ZNF335: variants seen among roughly 807,000 people sequenced by gnomAD.
The protein encoded by ZNF335 is zinc finger protein 335.
ZNF335 carries 84 observed loss-of-function variants against 145.6 expected under a neutral mutation model. The ratio of observed to expected loss-of-function variants is 0.58; its 90% CI spans 0.48 to 0.69. The LOEUF is 0.69. Ranked by LOEUF, ZNF335 falls within the 30% of genes least tolerant of loss-of-function variation. The pLI is 0.00. For missense variants in ZNF335, 1,865 were observed against 1,809.7 expected (o/e 1.03, Z -0.55); for synonymous variants, 761 against 717.0 (o/e 1.06, Z -0.98).
rs1451526967 is a variant in ZNF335 at position 45,959,404 on chromosome 20, G to A, written c.2050C>T (p.His684Tyr). 2.0e-6 allele frequency: 3 copies of A among 1,510,760 alleles called. No homozygotes were observed. The highest frequency in any genetic ancestry group is 2.0e-5 in the Admixed American group (1 of 50,418). 93.6% of individuals were successfully genotyped at this position (1,510,760 alleles called of 1,614,324 possible). ...TTCTTCTTGTGCCGTGTGCTGAAGT[G>A]GCAGTACTCACAGGCGAAGGGCTTG... ...GAKPFACEYC[H>Y]FSTRHKKNLR... Residue 684 changes from histidine to tyrosine, a missense_variant, in exon 15 of 28, where the codon CAC becomes TAC. His to Tyr is a moderately conservative substitution (Grantham distance 83). Coordinates refer to ENST00000322927, the MANE Select transcript of ZNF335 (RefSeq NM_022095.4).
chr20:45,952,826 GC>G, intron 18 of ZNF335, 117 bp from the exon 19 acceptor site: 2 of 856,482 alleles, frequency 2.3e-6, no homozygotes, highest in East Asian at 2.6e-5. Context: ...AGTCAGAAGG[GC>G]CCAGGGTTCA....
At chr20:45,967,135 C>A (rs1243951679) in intron 6 of ZNF335, 1 of 244,692 alleles carries the variant, frequency 4.1e-6, no homozygotes, top group African/African-American at 2.2e-5. Flanking sequence ...CCTAGCTACT[C>A]GGGAGGCTGA....
In ZNF335 at chr20:45,965,678, G is replaced by T. The variant is rs1367428895; in HGVS notation, c.1052C>A (p.Pro351His). 2 of 1,599,644 alleles carry T rather than the reference G, an allele frequency of 1.3e-6. No homozygotes were observed. The highest frequency in any genetic ancestry group is 1.7e-6 in the Non-Finnish European group (2 of 1,174,550). The change falls in exon 7 of 28, where the codon CCT becomes CAT. Residue 351 changes from proline (P) to histidine (H), a missense_variant. Physicochemically the swap from Pro to His is moderately conservative, Grantham distance 77 (BLOSUM62 -2). Coordinates refer to ENST00000322927, the MANE Select transcript of ZNF335 (RefSeq NM_022095.4). ...GCGGGGCAGCTTCCGGGGCCGGCCA[G>T]GTCTCCTTCGGGGCCTTGGGGTACT... ...TPSTPRPRRR[P>H]GRPRKLPRLE...
Position 45,952,328 on chromosome 20 carries a change from G to A in ZNF335, c.3008C>T (p.Ala1003Val), listed in dbSNP as rs2083648963. The A allele has an allele frequency of 4.3e-6, 7 of 1,613,294 alleles. No individual in the cohort carries two copies. In the East Asian group the frequency reaches 1.6e-4, roughly 36 times the overall value. Residue 1003 changes from alanine (A) to valine (V), a missense_variant, in exon 20 of 28, where the codon GCA (alanine) becomes GTA (valine). Coordinates refer to ENST00000322927, the MANE Select transcript of ZNF335 (RefSeq NM_022095.4). ...TGCAGATGGCGGTGACGGGGGCACT[G>A]CCAGGCCCAGGGCTTTGCTGGTTGC... Reference protein sequence around the residue: ...PPATSKALGLAVPPSPPSAAT... With the variant: ...PPATSKALGLVVPPSPPSAAT...
At chr20:45,971,522 G>A (rs570809916) in intron 1 of ZNF335, 62 bp from the exon 2 acceptor site, 4 of 1,511,406 alleles carry the variant, frequency 2.6e-6, no homozygotes, top group African/African-American at 2.8e-5. Context: ...CGGCAACCAC[G>A]GCCACCCATT....
Position 45,965,625 on chromosome 20 carries a change from C to T in ZNF335, c.1102+3G>A. The stretch of plus-strand genomic sequence containing the variant: ...ACGAGCCCCTCCCAAGACCAAGCCT[C>T]ACCATCTGGGAGGTCTGAGATCTCC... On this transcript the variant is annotated splice_donor_region_variant and intron_variant, in intron 7 of 27. Transcript: ENST00000322927. The T allele has an allele frequency of 6.3e-7, 1 of 1,594,466 alleles. No homozygotes were observed. The highest frequency in any genetic ancestry group is 8.5e-7 in the Non-Finnish European group (1 of 1,172,132).
chr20:45,949,743 G>GTCTT (rs1260491596), intron 24 of ZNF335, 57 bp downstream of exon 24: 1 of 1,579,212 alleles, frequency 6.3e-7, no homozygotes, highest in East Asian at 2.2e-5. Context: ...CCCAAGGTAG[G>GTCTT]TCTTTGGGAG....
rs1302137837 is a variant in ZNF335 at position 45,957,566 on chromosome 20, C to A, written c.2442+20G>T. ...TACCTGCGGTAGCTGGGAAGGGGAG[C>A]AGGTTCCCAGGCAGCTCACCTGCAG... On this transcript the variant is annotated intron_variant, in intron 17 of 27. Transcript: ENST00000322927. 1 of 1,611,664 alleles carries A rather than the reference C, an allele frequency of 6.2e-7. No homozygotes were observed. The highest frequency in any genetic ancestry group is 1.7e-5 in the Admixed American group (1 of 59,992).
chr20:45,960,880 T>C lies in ZNF335; in HGVS notation c.1649A>G (p.Lys550Arg). The change falls in exon 11 of 28, where the codon AAG (lysine) becomes AGG (arginine). Residue 550 changes from lysine to arginine, a missense_variant and splice_region_variant. By Grantham distance (26) the Lys-to-Arg change is conservative. Coordinates refer to ENST00000322927, the MANE Select transcript of ZNF335 (RefSeq NM_022095.4). ...RHAAVHSRDRKKRPDPTPKLS... is the reference protein window; with the variant it reads ...RHAAVHSRDRRKRPDPTPKLS... ...CAGACTCACCGGATCTGGCCTCTTC[T>C]TCCTGTGGGGAAAAGGCCGAGGAAT... 6.2e-7 allele frequency: 1 copy of C among 1,613,780 alleles called. No individual in the cohort carries two copies. Among genetic ancestry groups the C allele is most frequent in the Non-Finnish European group, 8.5e-7 (1 of 1,179,890 alleles).
chr20:45,966,708 C>A (rs1013929601), intron 6 of ZNF335, among the ~76,000 whole-genome samples: 3 of 151,804 alleles, frequency 2.0e-5, no homozygotes, highest in East Asian at 3.9e-4. Context: ...CCCGCCACCA[C>A]ACCCAGCTAA....
At chr20:45,949,770 T>A in intron 24 of ZNF335, 30 bp downstream of exon 24, 1 of 1,613,078 alleles carries the variant, frequency 6.2e-7, no homozygotes, top group Non-Finnish European at 8.5e-7. Flanking sequence ...AGGTCACAGC[T>A]GAGGGGATTA....
rs1035092542 is a variant in ZNF335 at position 45,949,584 on chromosome 20, G to A, written c.3670-16C>T. 7.5e-6 allele frequency: 12 copies of A among 1,600,948 alleles called. No individual in the cohort carries two copies. Among genetic ancestry groups the A allele is most frequent in the African/African-American group, 2.7e-5 (2 of 74,736 alleles). ...TATACTGCACCTGTTGGTGGGGGGG[G>A]CGGGCATGGCGAGGCAGGTGCTGAG... On this transcript the variant is annotated splice_polypyrimidine_tract_variant and intron_variant, in intron 24 of 27. Coordinates refer to ENST00000322927, the MANE Select transcript of ZNF335 (RefSeq NM_022095.4).
At chr20:45,968,637 A>C in intron 3 of ZNF335, 1 of 406,570 alleles carries the variant, frequency 2.5e-6, no homozygotes, top group African/African-American at 2.0e-5. Context: ...TGACCACCAA[A>C]CCTGGGAAGT....
chr20:45,965,900 C>A, intron 6 of ZNF335, 126 bp from the exon 7 acceptor site: 1 of 1,150,596 alleles, frequency 8.7e-7, no homozygotes, highest in South Asian at 1.7e-5. Context: ...GATGCCTCCT[C>A]CAGAAAGCCC....
chr20:45,971,797 G>A (rs1275184314), intron 1 of ZNF335: 1 of 985,418 alleles, frequency 1.0e-6, no homozygotes, highest in African/African-American at 1.7e-5. Context: ...CCGGGTTGCA[G>A]GGCCGGTGGT....
At chr20:45,960,767 G>A in intron 11 of ZNF335, 35 bp from the exon 12 acceptor site, 1 of 1,612,576 alleles carries the variant, frequency 6.2e-7, no homozygotes, top group Non-Finnish European at 8.5e-7. Context: ...GATGGAGAAA[G>A]AAGTGGAGGA....
At chr20:45,971,846 C>T (rs968963327) in intron 1 of ZNF335, 18 of 985,318 alleles carry the variant, frequency 1.8e-5, no homozygotes, top group Middle Eastern at 5.2e-4. Context: ...TTCGCTCCCC[C>T]CCGGTTCCCC....
In ZNF335 at chr20:45,949,971, T is replaced by G. The variant is rs538848884; in HGVS notation, c.3586A>C (p.Asn1196His). Residue 1196 changes from asparagine (N) to histidine (H), a missense_variant, in exon 23 of 28, where the codon AAT becomes CAT. Physicochemically the swap from Asn to His is moderately conservative, Grantham distance 68 (BLOSUM62 1). Coordinates refer to ENST00000322927, the MANE Select transcript of ZNF335 (RefSeq NM_022095.4). ...CCCCCAGTCCTGACTCTTACCTGAT[T>G]GGTCACTGTCTGTTCCTGGGCAACG... ...IIVAQEQTVT[N>H]QEEAAYIQEI... 6 of 1,614,152 alleles carry G rather than the reference T, an allele frequency of 3.7e-6. No homozygotes were observed. The Admixed American group carries it at 8.3e-5, about 22-fold the overall frequency.
In ZNF335 at chr20:45,948,751, AGGCTGGGGCACCCAGCATGTCCT is replaced by A. The variant is rs1238768435; in HGVS notation, c.*179_*201del. 2.2e-5 allele frequency: 16 copies of A among 716,442 alleles called. No individual in the cohort carries two copies. The highest frequency in any genetic ancestry group is 1.4e-4 in the East Asian group (5 of 36,846). The allele number at this position is 716,442 out of a possible 1,614,324, so 44.4% of individuals were successfully genotyped here. On this transcript the variant is annotated 3_prime_UTR_variant, in exon 28 of 28. Transcript: ENST00000322927. ...AATTTCTCTCCCAAAGCCTGCCTGCAGGCTGGGGCACCCAGCATGTCCTGGCTGGGGCCCATGGCTGCCCCTAA... is the reference window on the plus strand; with the variant it reads ...AATTTCTCTCCCAAAGCCTGCCTGCAGGCTGGGGCCCATGGCTGCCCCTAA...
Sources: allele counts gnomAD v4.1 joint callset (sites outside exome capture counted in the v4.1 genomes callset), GRCh38; gene constraint gnomAD v4.1.1; transcripts MANE v1.5; gene names NCBI Gene and HGNC (gene_info 2026-07-23, HGNC 2026-07-21).